Variants in PCDH9 observed in about 807,000 individuals in gnomAD.
PCDH9 encodes the protein protocadherin 9.
In PCDH9, 24 loss-of-function variants were observed where a neutral mutation model predicts 70.6. The observed-to-expected ratio is 0.34, with a 90% CI of 0.25 to 0.48. The LOEUF (loss-of-function observed/expected upper bound fraction) is 0.48, where lower values mean the gene tolerates loss of function less well. Among genes scored for constraint, PCDH9 ranks in the 20% least tolerant of loss-of-function variants. The pLI, the probability that PCDH9 is intolerant of heterozygous loss-of-function variation, is 0.99. For missense variants in PCDH9, 1,281 were observed against 1,503.6 expected, an observed-to-expected ratio of 0.85 and a Z score of 2.45; for synonymous variants, 562 against 558.5, an observed-to-expected ratio of 1.01 and a Z score of -0.09.
chr13:66,736,417 C>G (rs1302466307), intron 3 of PCDH9, among the ~76,000 whole-genome samples: 1 of 152,152 alleles, frequency 6.6e-6, no homozygotes, highest in Non-Finnish European at 1.5e-5. Flanking sequence ...AAAGAAGGTG[C>G]CCACAGGCCA....
At chr13:66,899,901 A>G (rs2082249779) in intron 3 of PCDH9, among the ~76,000 whole-genome samples, 1 of 151,998 alleles carries the variant, frequency 6.6e-6, no homozygotes, top group African/African-American at 2.4e-5. Context: ...AAGAACTTCA[A>G]GTATAAACTA....
chr13:66,598,527 T>C (rs2077129230), intron 4 of PCDH9, among the ~76,000 whole-genome samples: 2 of 151,780 alleles, frequency 1.3e-5, no homozygotes, highest in Non-Finnish European at 2.9e-5. Flanking sequence ...CCATGATAAG[T>C]GTTTTAGGGC....
intron 4 of PCDH9, among the ~76,000 whole-genome samples, chr13:66,326,524 T>C (rs1021688487): frequency 1.3e-5 from 2 of 152,050 alleles, no homozygotes; most frequent in South Asian, 4.2e-4. Context: ...GTTTACGCCA[T>C]TCTCCTGCCT....
At chr13:67,043,584 A>G (rs1319162762) in intron 2 of PCDH9, among the ~76,000 whole-genome samples, 1 of 152,208 alleles carries the variant, frequency 6.6e-6, no homozygotes, top group Non-Finnish European at 1.5e-5. Context: ...AATAAGCAAT[A>G]GCTGAAATTA....
intron 3 of PCDH9, among the ~76,000 whole-genome samples, chr13:66,736,672 T>A (rs1006018654): frequency 1.3e-5 from 2 of 152,258 alleles, no homozygotes; most frequent in Non-Finnish European, 2.9e-5. Context: ...TGAAAACTGG[T>A]CATTGCAACA....
At chr13:66,714,616 C>T (rs1038445076) in intron 3 of PCDH9, among the ~76,000 whole-genome samples, 3 of 151,982 alleles carry the variant, frequency 2.0e-5, no homozygotes, top group South Asian at 2.1e-4. Context: ...CTTACTTAGG[C>T]GTTCATGTAC....
At chr13:66,316,158 C>T (rs1955648185) in intron 4 of PCDH9, among the ~76,000 whole-genome samples, 1 of 152,106 alleles carries the variant, frequency 6.6e-6, no homozygotes, top group Non-Finnish European at 1.5e-5. Flanking sequence ...CCTCTGACTC[C>T]TTCATCCTTC....
At chr13:66,882,975 A>T (rs1309965037) in intron 3 of PCDH9, among the ~76,000 whole-genome samples, 3 of 152,230 alleles carry the variant, frequency 2.0e-5, no homozygotes, top group Admixed American at 2.0e-4. Context: ...TGACTTTCAA[A>T]GTCTTTATCA....
At chr13:66,797,193 ATTTTTTTTCTAG>A (rs2080256132) in intron 3 of PCDH9, among the ~76,000 whole-genome samples, 1 of 151,866 alleles carries the variant, frequency 6.6e-6, no homozygotes, top group African/African-American at 2.4e-5. Flanking sequence ...TGTTGCTCAC[ATTTTTTTTCTAG>A]TATTCTAGAC....
intron 4 of PCDH9, among the ~76,000 whole-genome samples, chr13:66,437,680 T>C (rs970091115): frequency 4.6e-5 from 7 of 152,134 alleles, no homozygotes; most frequent in Admixed American, 2.6e-4. Context: ...GAAAGTCTCA[T>C]GCACTGTGGG....
chr13:66,585,624 T>C (rs764312655), intron 4 of PCDH9, among the ~76,000 whole-genome samples: 19 of 152,322 alleles, frequency 1.2e-4, no homozygotes, highest in Non-Finnish European at 7.3e-5. Context: ...ATCTTAAAAA[T>C]AGTTGCATTG....
intron 2 of PCDH9, among the ~76,000 whole-genome samples, chr13:67,150,116 A>G (rs2087621226): frequency 6.6e-6 from 1 of 152,168 alleles, no homozygotes; most frequent in Admixed American, 6.6e-5. Context: ...TCCGTGCAAC[A>G]TCTGCCTCCC....
chr13:67,078,447 T>G (rs1364835947), intron 2 of PCDH9, among the ~76,000 whole-genome samples: 1 of 152,138 alleles, frequency 6.6e-6, no homozygotes, highest in Admixed American at 6.6e-5. Context: ...ACCATCTTAG[T>G]GTCTGCTTCT....
At chr13:66,625,867 T>G (rs145168370) in intron 4 of PCDH9, among the ~76,000 whole-genome samples, 2,015 of 152,148 alleles carry the variant, frequency 0.013, 54 homozygotes, top group African/African-American at 0.046. Context: ...TTTCACCGTG[T>G]TGGCCAGGCT....
At chr13:66,885,888 G>A (rs530038279) in intron 3 of PCDH9, 2 of 152,176 alleles carry the variant, frequency 1.3e-5, no homozygotes, top group African/African-American at 2.4e-5. Context: ...AAACTAATTT[G>A]TATTTAAGGA....
chr13:67,184,046 T>G (rs887195643), intron 2 of PCDH9, among the ~76,000 whole-genome samples: 1 of 152,196 alleles, frequency 6.6e-6, no homozygotes, highest in Non-Finnish European at 1.5e-5. Context: ...GAATGTTGCA[T>G]TTGCGTCTTT....
At chr13:67,003,579 T>G (rs1023892331) in intron 2 of PCDH9, among the ~76,000 whole-genome samples, 35 of 152,258 alleles carry the variant, frequency 2.3e-4, no homozygotes, top group African/African-American at 8.4e-4. Context: ...TTAGATAGAT[T>G]TAGCATTTCG....
chr13:66,352,246 T>C (rs1486746075), intron 4 of PCDH9, among the ~76,000 whole-genome samples: 1 of 152,226 alleles, frequency 6.6e-6, no homozygotes, highest in Non-Finnish European at 1.5e-5. Flanking sequence ...TAATAAACAT[T>C]CCAACCAAAG....
chr13:66,998,193 G>A (rs897245013), intron 2 of PCDH9, among the ~76,000 whole-genome samples: 2 of 152,204 alleles, frequency 1.3e-5, no homozygotes, highest in African/African-American at 4.8e-5. Flanking sequence ...AAGAGAATGT[G>A]CCAGGGCCCG....
Sources: gnomAD v4.1 joint callset for allele counts (sites outside exome capture counted in the v4.1 genomes callset) on GRCh38, gnomAD v4.1.1 for gene constraint, MANE v1.5 for transcripts, NCBI Gene and HGNC (gene_info 2026-07-23, HGNC 2026-07-21) for gene names.